Variants in PALM observed in about 807,000 individuals in gnomAD.
PALM encodes paralemmin-1.
A neutral mutation model predicts 30.7 loss-of-function variants in PALM; 18 were observed. The ratio of observed to expected loss-of-function variants is 0.59; its 90% confidence interval spans 0.41 to 0.87. The LOEUF (loss-of-function observed/expected upper bound fraction) is 0.87, where lower values mean the gene tolerates loss of function less well. Among genes scored for constraint, PALM ranks in the 40% least tolerant of loss-of-function variants. The pLI is 0.00. For synonymous variants in PALM, 286 were observed against 242.8 expected (o/e 1.18, Z -1.66); for missense variants, 529 against 555.4 (o/e 0.95, Z 0.48).
At chr19:727,496 C>T in intron 3 of PALM, 68 bp from the exon 4 acceptor site, 2 of 1,321,454 alleles carry the variant, frequency 1.5e-6, no homozygotes, top group Non-Finnish European at 2.1e-6. Context: ...TGACCCTGAC[C>T]TCAGTCTTAA....
intron 8 of PALM, among the ~76,000 whole-genome samples, chr19:745,604 AGAATTGCTT>A (rs1201841978): frequency 6.6e-6 from 1 of 151,060 alleles, no homozygotes; most frequent in Non-Finnish European, 1.5e-5. Flanking sequence ...CTGAGGCAGG[AGAATTGCTT>A]GAACTAGGGA....
At chr19:739,461 C>T (rs2033122891) in intron 7 of PALM, among the ~76,000 whole-genome samples, 2 of 152,016 alleles carry the variant, frequency 1.3e-5, no homozygotes, top group African/African-American at 2.4e-5. Context: ...GGGAGGATTG[C>T]TTGAGCCCAG....
chr19:719,714 C>A, intron 1 of PALM: 6 of 778,538 alleles, frequency 7.7e-6, no homozygotes, highest in Non-Finnish European at 9.4e-6. Context: ...CGCCGGGGTC[C>A]TGGTCCCAGC....
rs536008157 is a variant in PALM, at chr19:727,536, G to A, written c.139-28G>A. ...TAACCCTGGCCCTGGTCCTGCCCAC[G>A]ACTCTGACCTGGATCCCTGCTGCTC... On this transcript the variant is annotated intron_variant, in intron 3 of 8. Transcript: ENST00000338448. 6.4e-5 allele frequency: 100 copies of A among 1,564,504 alleles called. 1 individual carries two copies. The highest frequency in any genetic ancestry group is 2.9e-4 in the South Asian group (25 of 85,866).
intron 1 of PALM, 111 bp from the exon 2 acceptor site, chr19:726,027 A>T (rs2032649050): frequency 1.2e-6 from 1 of 811,486 alleles, no homozygotes; most frequent in African/African-American, 1.7e-5. Context: ...CAGAGATGAA[A>T]TCCCTTGCCC....
intron 1 of PALM, among the ~76,000 whole-genome samples, chr19:721,955 G>A (rs2032497109): frequency 6.6e-6 from 1 of 151,658 alleles, no homozygotes; most frequent in Non-Finnish European, 1.5e-5. Context: ...GTCTCGCTCT[G>A]TCGCCCAGGC....
intron 7 of PALM, 104 bp downstream of exon 7, chr19:736,182 C>T (rs1599161119): frequency 1.5e-5 from 12 of 775,824 alleles, no homozygotes; most frequent in East Asian, 1.1e-4. Context: ...ACCTGCTCTC[C>T]GCAGCGTCTG....
chr19:713,766 G>C (rs1431217300), intron 1 of PALM, among the ~76,000 whole-genome samples: 1 of 152,064 alleles, frequency 6.6e-6, no homozygotes, highest in Non-Finnish European at 1.5e-5. Flanking sequence ...ATTTTTAGTA[G>C]AGACGGGGTT....
intron 2 of PALM, 111 bp downstream of exon 2, chr19:726,300 G>C: frequency 1.2e-6 from 1 of 845,466 alleles, no homozygotes; most frequent in South Asian, 1.5e-5. Context: ...ATGGTGGGTG[G>C]TGAGTTATTT....
At chr19:725,151 C>T (rs1352973574) in intron 1 of PALM, among the ~76,000 whole-genome samples, 2 of 148,754 alleles carry the variant, frequency 1.3e-5, no homozygotes, top group Non-Finnish European at 3.0e-5. Flanking sequence ...GTCTCGAACT[C>T]CTGACCTCAA....
In PALM at chr19:746,844, C is replaced by T; in HGVS notation, c.*30C>T. On this transcript the variant is annotated 3_prime_UTR_variant, in exon 9 of 9. Transcript: ENST00000338448. This position sits in a 1 kb window ranked among gnomAD's most constrained non-coding sequence, Gnocchi z 7.1. Reference sequence around the variant, plus strand: ...GCCCCCGAGACCCCGGCCCCCACCCCACACCACAGACACCCACCAGCCCGG... The same window carrying T: ...GCCCCCGAGACCCCGGCCCCCACCCTACACCACAGACACCCACCAGCCCGG... The T allele has an allele frequency of 7.4e-7, 1 of 1,360,462 alleles. No individual in the cohort carries two copies. The highest frequency in any genetic ancestry group is 9.9e-7 in the Non-Finnish European group (1 of 1,008,248). 84.3% of individuals were successfully genotyped at this position (1,360,462 alleles called of 1,614,324 possible).
Position 746,884 on chromosome 19 carries a change from T to C in PALM, c.*70T>C, listed in dbSNP as rs1599174405. On this transcript the variant is annotated 3_prime_UTR_variant, in exon 9 of 9. Coordinates refer to ENST00000338448, the MANE Select transcript of PALM (RefSeq NM_002579.3). This position sits in a 1 kb window ranked among gnomAD's most constrained non-coding sequence, Gnocchi z 7.1. Reference sequence around the variant, plus strand: ...CACCAGCCCGGCCCCTCCCGGCGCCTGCCCACCCTCCACCCACAGCCTCAC... The same window carrying C: ...CACCAGCCCGGCCCCTCCCGGCGCCCGCCCACCCTCCACCCACAGCCTCAC... The C allele has an allele frequency of 1.2e-6, 1 of 829,406 alleles. No homozygotes were observed. Among genetic ancestry groups the C allele is most frequent in the Non-Finnish European group, 1.7e-6 (1 of 574,476 alleles). 51.4% of individuals were successfully genotyped at this position (829,406 alleles called of 1,614,324 possible).
chr19:715,573 G>A (rs904752647), intron 1 of PALM, among the ~76,000 whole-genome samples: 2 of 152,242 alleles, frequency 1.3e-5, no homozygotes, highest in Admixed American at 1.3e-4. Context: ...AGGGCTAGAG[G>A]TGGGAAAGCA....
At position 716,395 on chromosome 19, in the gene PALM, G is replaced by A. The variant is rs184212749; in HGVS notation, c.5+7244G>A. Among the ~76,000 whole-genome samples, 252 of 150,796 alleles carry A rather than the reference G, an allele frequency of 1.7e-3. 2 individuals carry two copies. The highest frequency in any genetic ancestry group is 5.8e-3 in the African/African-American group (236 of 41,020). On this transcript the variant is annotated intron_variant, in intron 1 of 8. Transcript: ENST00000338448. ...ACTGCCCTCCAGCCTGGGTGACAGAGCGAGACTCTTTCTCTCAAAAAAAAA... is the reference window on the plus strand; with the variant it reads ...ACTGCCCTCCAGCCTGGGTGACAGAACGAGACTCTTTCTCTCAAAAAAAAA...
intron 7 of PALM, 168 bp downstream of exon 7, chr19:736,246 T>C (rs1599161218): frequency 3.7e-6 from 2 of 546,380 alleles, no homozygotes; most frequent in East Asian, 6.8e-5. Context: ...GCTCCGAGCC[T>C]GGGGTGGGGG....
chr19:723,715 C>T (rs2032571554), intron 1 of PALM, among the ~76,000 whole-genome samples: 2 of 152,132 alleles, frequency 1.3e-5, no homozygotes, highest in African/African-American at 4.8e-5. Flanking sequence ...CTCAGCTCCT[C>T]AAGTAGCTGG....
At chr19:739,143 G>T (rs1462618639) in intron 7 of PALM, among the ~76,000 whole-genome samples, 1 of 152,174 alleles carries the variant, frequency 6.6e-6, no homozygotes, top group African/African-American at 2.4e-5. Context: ...TTTACAGAGT[G>T]GGGCGAGGTG....
At position 747,226 on chromosome 19, in the gene PALM, C is replaced by A; in HGVS notation, c.*412C>A. ...GCCTTTCTCTGAGGGGACACCCCGC[C>A]AGAGAGGGCCCCGGGAGCCGGGGGT... On this transcript the variant is annotated 3_prime_UTR_variant, in exon 9 of 9. Transcript: ENST00000338448. 5.6e-6 allele frequency: 1 copy of A among 178,412 alleles called. No homozygotes were observed. The highest frequency in any genetic ancestry group is 1.2e-5 in the Non-Finnish European group (1 of 85,442). 11.1% of individuals were successfully genotyped at this position (178,412 alleles called of 1,614,324 possible).
intron 1 of PALM, among the ~76,000 whole-genome samples, chr19:721,274 T>C (rs953221936): frequency 1.3e-5 from 2 of 152,096 alleles, no homozygotes; most frequent in African/African-American, 4.8e-5. Flanking sequence ...ATTATTATTA[T>C]TGTTATTTTG....
Sources: allele counts gnomAD v4.1 joint callset (sites outside exome capture counted in the v4.1 genomes callset), GRCh38; gene constraint gnomAD v4.1.1; non-coding constraint Gnocchi (gnomAD v3.1); transcripts MANE v1.5; gene names NCBI Gene and HGNC (gene_info 2026-07-23, HGNC 2026-07-21).